Variants in DDAH1 observed in about 807,000 individuals in gnomAD.
The protein encoded by DDAH1 is N(G),N(G)-dimethylarginine dimethylaminohydrolase 1.
In DDAH1, 19 loss-of-function variants were observed where a neutral mutation model predicts 28.8. The observed-to-expected ratio is 0.66, with a 90% CI of 0.46 to 0.97. DDAH1 has a LOEUF of 0.97. DDAH1 is among the 50% of genes least tolerant of loss of function. DDAH1 has a pLI of 0.00. For missense variants in DDAH1, 326 were observed against 375.9 expected (o/e 0.87, Z 1.10); for synonymous variants, 153 against 154.4 (o/e 0.99, Z 0.07).
intron 1 of DDAH1, among the ~76,000 whole-genome samples, chr1:85,424,543 G>A (rs1445767519): frequency 6.6e-6 from 1 of 152,042 alleles, no homozygotes; most frequent in African/African-American, 2.4e-5. Flanking sequence ...ATAGTCTGGT[G>A]AGCATGCTTT....
At chr1:85,406,789 A>G (rs1296501979) in intron 1 of DDAH1, among the ~76,000 whole-genome samples, 1 of 152,138 alleles carries the variant, frequency 6.6e-6, no homozygotes. Context: ...AAACATTCAT[A>G]AAGGGCAAGC....
chr1:85,445,905 G>A (rs1472403286), intron 1 of DDAH1, among the ~76,000 whole-genome samples: 1 of 152,144 alleles, frequency 6.6e-6, no homozygotes, highest in African/African-American at 2.4e-5. Flanking sequence ...TTGACTTCAT[G>A]TTACATTTTA....
intron 1 of DDAH1, among the ~76,000 whole-genome samples, chr1:85,577,134 C>T (rs1659634069): frequency 6.6e-6 from 1 of 152,094 alleles, no homozygotes; most frequent in South Asian, 2.1e-4. Context: ...CGGCAGGGGG[C>T]GGCGGTAGCA....
chr1:85,366,394 T>C (rs1000286786), intron 1 of DDAH1, among the ~76,000 whole-genome samples: 2 of 152,216 alleles, frequency 1.3e-5, no homozygotes, highest in Admixed American at 1.3e-4. Context: ...ATTTCATTTT[T>C]TCCCATTGAT....
At chr1:85,557,648 A>G (rs1051174723) in intron 1 of DDAH1, among the ~76,000 whole-genome samples, 4 of 152,178 alleles carry the variant, frequency 2.6e-5, no homozygotes, top group African/African-American at 9.6e-5. Context: ...CCCGACCCCA[A>G]ATTCATATAT....
At chr1:85,544,059 G>A (rs1016153422) in intron 1 of DDAH1, among the ~76,000 whole-genome samples, 1 of 152,182 alleles carries the variant, frequency 6.6e-6, no homozygotes, top group African/African-American at 2.4e-5. Flanking sequence ...TTGCAGGTTT[G>A]TTCATATTTT....
At chr1:85,411,810 G>A (rs1427218101) in intron 1 of DDAH1, among the ~76,000 whole-genome samples, 1 of 152,174 alleles carries the variant, frequency 6.6e-6, no homozygotes. Flanking sequence ...TGATCATGCT[G>A]GCTTCTGCTC....
chr1:85,385,699 G>A lies in DDAH1; in HGVS notation c.304-26852C>T, dbSNP rs141915075. ...TCTACCACTTACTTACTAGTTGTGT[G>A]ACCTTGGGCTATTACTCCATGCCTT... is the stretch of plus-strand genomic sequence containing the variant. On this transcript the variant is annotated intron_variant, in intron 1 of 5. Transcript: ENST00000284031. Among the ~76,000 whole-genome samples, 25 of 152,286 alleles carry A rather than the reference G, an allele frequency of 1.6e-4. No individual in the cohort carries two copies. The East Asian group carries it at 4.8e-3, about 29-fold the overall frequency.
rs1012564042 is a variant in DDAH1 at position 85,479,458 on chromosome 1, C to T, written c.-7+16708G>A. ...AAAGTGCTGGGATTACAGGCGTGAGCCACCGCGCCTGGCCCTGTTTTTCTT... is the reference window on the plus strand; with the variant it reads ...AAAGTGCTGGGATTACAGGCGTGAGTCACCGCGCCTGGCCCTGTTTTTCTT... On this transcript the variant is annotated intron_variant, in intron 2 of 6. Transcript: ENST00000426972. 2.6e-5 allele frequency among the ~76,000 whole-genome samples: 4 copies of T among 152,148 alleles called. No individual in the cohort carries two copies. In the South Asian group the frequency reaches 6.2e-4, roughly 24 times the overall value.
rs1661266916 is a variant in DDAH1, at chr1:85,320,230, G to A, written c.*1222C>T. The A allele has an allele frequency of 6.6e-6, 1 of 152,612 alleles. No individual in the cohort carries two copies. The highest frequency in any genetic ancestry group is 2.1e-4 in the South Asian group (1 of 4,832). The allele number at this position is 152,612 out of a possible 1,614,324, so 9.5% of individuals were successfully genotyped here. A position where few individuals can be genotyped will look rare whatever the true frequency, so the allele number is the denominator to read the frequency against. ...TCAAAGTTGTGTAATTTAAAGGCTAGAGAAGAAAGAAGTTTAAATTGGATC... is the reference window on the plus strand; with the variant it reads ...TCAAAGTTGTGTAATTTAAAGGCTAAAGAAGAAAGAAGTTTAAATTGGATC... On this transcript the variant is annotated 3_prime_UTR_variant, in exon 6 of 6. Transcript: ENST00000284031.
At position 85,350,533 on chromosome 1, in the gene DDAH1, T is replaced by A; in HGVS notation, c.479A>T (p.Asp160Val). ...CACTGGCACTGTGGAGACTGCATAG[T>A]CCTACGTGGACAATAGAAAAACAAG... ...GAEILADTFK[D>V]YAVSTVPVAD... Residue 160 changes from aspartate (D) to valine (V), a missense_variant and splice_region_variant, in exon 4 of 6, where the codon GAC (aspartate) becomes GTC (valine). Asp to Val is a radical substitution (Grantham distance 152, BLOSUM62 -3). Transcript: ENST00000284031. The A allele has an allele frequency of 6.2e-7, 1 of 1,612,650 alleles. No homozygotes were observed. Among genetic ancestry groups the A allele is most frequent in the Middle Eastern group, 1.7e-4 (1 of 6,050 alleles).
At chr1:85,572,107 C>A (rs1334222577) in intron 1 of DDAH1, among the ~76,000 whole-genome samples, 1 of 152,198 alleles carries the variant, frequency 6.6e-6, no homozygotes, top group Non-Finnish European at 1.5e-5. Flanking sequence ...GTAGACGGAT[C>A]TCTCAATCTC....
rs564210687 is a variant in DDAH1 at position 85,574,464 on chromosome 1, C to T, written c.-123+3520G>A. Among the ~76,000 whole-genome samples the T allele has an allele frequency of 6.6e-5, 10 of 152,296 alleles. No individual in the cohort carries two copies. In the South Asian group the frequency reaches 1.9e-3, roughly 28 times the overall value. On this transcript the variant is annotated intron_variant, in intron 1 of 6. Transcript: ENST00000426972. ...AGTGCATCAGACTGATTGTTATGCC[C>T]AGTCAAGGCCTTGTTCCCTTCCTCT...
intron 1 of DDAH1, among the ~76,000 whole-genome samples, chr1:85,365,292 G>A (rs1031859275): frequency 1.3e-5 from 2 of 152,048 alleles, no homozygotes; most frequent in Non-Finnish European, 2.9e-5. Flanking sequence ...CAATGAAATC[G>A]AGTGACTGTG....
chr1:85,424,182 A>G (rs1424722937), intron 1 of DDAH1, among the ~76,000 whole-genome samples: 2 of 152,094 alleles, frequency 1.3e-5, no homozygotes, highest in East Asian at 3.8e-4. Context: ...CTTTCTTGTA[A>G]TATCTTTATC....
chr1:85,419,710 T>C (rs924655594), intron 1 of DDAH1, among the ~76,000 whole-genome samples: 2 of 152,168 alleles, frequency 1.3e-5, no homozygotes, highest in Non-Finnish European at 2.9e-5. Context: ...GATGCATTTG[T>C]TACCATATAT....
In DDAH1 at chr1:85,321,403, TCGGCCTTGCCTGTG is replaced by T. The variant is rs757596474; in HGVS notation, c.*35_*48del. 8.4e-7 allele frequency: 1 copy of T among 1,184,510 alleles called. No homozygotes were observed. Among genetic ancestry groups the T allele is most frequent in the East Asian group, 2.3e-5 (1 of 42,920 alleles). The allele number at this position is 1,184,510 out of a possible 1,614,324, so 73.4% of individuals were successfully genotyped here. Reference sequence around the variant, plus strand: ...AACAACAGGAGTGGGCACAGAGTCATCGGCCTTGCCTGTGCGGTCTTGCCGGCTACCGGGGGGGA... The same window carrying T: ...AACAACAGGAGTGGGCACAGAGTCATCGGTCTTGCCGGCTACCGGGGGGGA... On this transcript the variant is annotated 3_prime_UTR_variant, in exon 6 of 6. Coordinates refer to ENST00000284031, the MANE Select transcript of DDAH1 (RefSeq NM_012137.4).
intron 1 of DDAH1, among the ~76,000 whole-genome samples, chr1:85,370,439 A>G (rs907028190): frequency 6.6e-6 from 1 of 152,222 alleles, no homozygotes; most frequent in African/African-American, 2.4e-5. Context: ...AAACTCACAT[A>G]AAGAATTGGA....
chr1:85,569,436 G>T (rs1659391458), intron 1 of DDAH1, among the ~76,000 whole-genome samples: 1 of 152,162 alleles, frequency 6.6e-6, no homozygotes, highest in African/African-American at 2.4e-5. Flanking sequence ...CCTAGGATGT[G>T]GTTCATGTTC....
Sources: gnomAD v4.1 joint callset for allele counts (sites outside exome capture counted in the v4.1 genomes callset) on GRCh38, gnomAD v4.1.1 for gene constraint, MANE v1.5 for transcripts, NCBI Gene and HGNC (gene_info 2026-07-23, HGNC 2026-07-21) for gene names.